The following MTCL1 variants were observed in gnomAD, a reference collection of about 807,000 sequenced individuals.
MTCL1 encodes the protein microtubule crosslinking factor 1.
A neutral mutation model predicts 141.4 loss-of-function variants in MTCL1; 79 were observed. The observed-to-expected ratio is 0.56, with a 90% confidence interval of 0.47 to 0.67. The LOEUF (loss-of-function observed/expected upper bound fraction) is 0.67. Ranked by LOEUF, MTCL1 falls within the 30% of genes least tolerant of loss-of-function variation. The pLI is 0.00. For missense variants in MTCL1, 2,177 were observed against 2,113.9 expected (o/e 1.03, Z -0.59); for synonymous variants, 914 against 875.8 (o/e 1.04, Z -0.77).
intron 10 of MTCL1, among the ~76,000 whole-genome samples, chr18:8,800,177 G>A (rs1442983344): frequency 6.6e-6 from 1 of 152,174 alleles, no homozygotes; most frequent in Admixed American, 6.5e-5. Context: ...GCCTCTCTGT[G>A]ACTGGCATGA....
chr18:8,821,398 T>G (rs897474986), intron 13 of MTCL1, 69 bp from the exon 13 acceptor site: 2 of 1,000,082 alleles, frequency 2.0e-6, no homozygotes, highest in Non-Finnish European at 1.6e-6. Flanking sequence ...AACAAATCAC[T>G]TAAGTACATT....
chr18:8,798,175 G>T, exon 10 of MTCL1: 2 of 1,599,336 alleles, frequency 1.3e-6, no homozygotes, highest in Admixed American at 1.7e-5. Context: ...CCCAGACCAC[G>T]ACAGTGACCG....
chr18:8,720,182 T>C (rs76917159), intron 3 of MTCL1, 156 bp from the exon 3 acceptor site: 22,112 of 665,724 alleles, frequency 0.033, 525 homozygotes, highest in Non-Finnish European at 0.043. Flanking sequence ...ATGAATCTCC[T>C]CCTCCTTTTA....
chr18:8,724,878 G>A (rs1041069702), intron 4 of MTCL1, among the ~76,000 whole-genome samples: 1 of 151,884 alleles, frequency 6.6e-6, no homozygotes, highest in Non-Finnish European at 1.5e-5. Flanking sequence ...CAGCTTGCTT[G>A]CTGGCATCCT....
Position 8,826,233 on chromosome 18 carries a change from G to T in MTCL1, c.4722+1G>T, listed in dbSNP as rs2077022268. 6.3e-7 allele frequency: 1 copy of T among 1,586,382 alleles called. No homozygotes were observed. Among genetic ancestry groups the T allele is most frequent in the Non-Finnish European group, 8.6e-7 (1 of 1,166,026 alleles). ...CACAGCCGAGCCAGGGCCCATGGAG[G>T]TAATGAATGCTGAGTGCCCCACACC... is the stretch of plus-strand genomic sequence containing the variant. On this transcript the variant is annotated splice_donor_variant, in intron 15 of 16. Coordinates refer to ENST00000359865, the Ensembl canonical transcript of MTCL1. LOFTEE classifies it high-confidence loss of function.
intron 4 of MTCL1, 38 bp downstream of exon 3, chr18:8,720,534 T>C: frequency 3.8e-6 from 6 of 1,592,618 alleles, no homozygotes; most frequent in Non-Finnish European, 5.1e-6. Flanking sequence ...CCCTTGGATT[T>C]AATAAGGAGG....
At chr18:8,730,042 G>A (rs570787613) in intron 4 of MTCL1, among the ~76,000 whole-genome samples, 34 of 152,186 alleles carry the variant, frequency 2.2e-4, no homozygotes, top group South Asian at 1.0e-3. Flanking sequence ...CTCTGGCACC[G>A]TCTGTTGAAA....
intron 4 of MTCL1, among the ~76,000 whole-genome samples, chr18:8,721,661 G>A (rs2096173739): frequency 6.6e-6 from 1 of 152,108 alleles, no homozygotes; most frequent in Admixed American, 6.5e-5. Flanking sequence ...CGTGAAAGTT[G>A]TCCCCATCTC....
At chr18:8,825,166 C>A in exon 15 of MTCL1, 1 of 1,579,588 alleles carries the variant, frequency 6.3e-7, no homozygotes, top group South Asian at 1.2e-5. Context: ...ACAAGCAGAG[C>A]CAGAGGGAGC....
intron 7 of MTCL1, chr18:8,786,821 T>C (rs912468694): frequency 1.8e-5 from 3 of 169,568 alleles, no homozygotes; most frequent in Admixed American, 5.4e-5. Context: ...ATGCAATGTC[T>C]TGCCATTGGG....
exon 9 of MTCL1, chr18:8,796,233 T>G (rs1175791876): frequency 1.2e-6 from 2 of 1,614,066 alleles, no homozygotes; most frequent in Admixed American, 1.7e-5. Flanking sequence ...CCATTCAAGA[T>G]GGAGGAGGAG....
At chr18:8,806,264 C>G (rs1372140203) in intron 10 of MTCL1, among the ~76,000 whole-genome samples, 1 of 152,132 alleles carries the variant, frequency 6.6e-6, no homozygotes, top group Non-Finnish European at 1.5e-5. Context: ...TTAAACCCAC[C>G]CACACACAGT....
At chr18:8,733,111 CAG>C (rs1491551158) in intron 4 of MTCL1, among the ~76,000 whole-genome samples, 26 of 152,282 alleles carry the variant, frequency 1.7e-4, no homozygotes, top group African/African-American at 5.8e-4. Flanking sequence ...TCTCTCCTGG[CAG>C]GGGGGAGGAA....
rs114624229 is a variant in MTCL1, at chr18:8,784,375, G to A, written c.1263G>A (p.Met421Ile). ...GCGGGGAGAGTGACTCGGAGGAAATGTTTGAGAAGACGTCGGGCTTCGGGA... is the reference window on the plus strand; with the variant it reads ...GCGGGGAGAGTGACTCGGAGGAAATATTTGAGAAGACGTCGGGCTTCGGGA... Residue 421 changes from methionine (M) to isoleucine (I), a missense_variant, in exon 6 of 17, where the codon ATG becomes ATA. By Grantham distance (10) the Met-to-Ile change is conservative (BLOSUM62 1). Transcript: ENST00000359865. The A allele has an allele frequency of 5.7e-4, 865 of 1,528,862 alleles. 5 individuals are homozygous for A. In the African/African-American group the frequency reaches 0.011, roughly 19 times the overall value. The allele number at this position is 1,528,862 out of a possible 1,614,324, so 94.7% of individuals were successfully genotyped here.
chr18:8,771,841 TAGAATTAGTCAC>T (rs2096486198), intron 4 of MTCL1, among the ~76,000 whole-genome samples: 3 of 151,914 alleles, frequency 2.0e-5, no homozygotes, highest in Non-Finnish European at 4.4e-5. Flanking sequence ...AAGGAGGGAG[TAGAATTAGTCAC>T]CAGGCAAAGC....
chr18:8,813,238 G>A lies in MTCL1; in HGVS notation c.2859+5G>A, dbSNP rs1185618120. On this transcript the variant is annotated splice_donor_5th_base_variant and intron_variant, in intron 12 of 16. Transcript: ENST00000359865. The stretch of plus-strand genomic sequence containing the variant: ...TTCTTGTGGAGGATAGAGCAGGTAA[G>A]GAGGCACCCCGGGGCCCTGGAGCAT... 1 of 1,610,232 alleles carries A rather than the reference G, an allele frequency of 6.2e-7. No individual in the cohort carries two copies. Among genetic ancestry groups the A allele is most frequent in the Admixed American group, 1.7e-5 (1 of 59,510 alleles).
rs569679174 is a variant in MTCL1, at chr18:8,814,980, T to C, written c.2859+1747T>C. Among the ~76,000 whole-genome samples, 4 of 152,348 alleles carry C rather than the reference T, an allele frequency of 2.6e-5. No homozygotes were observed. The East Asian group carries it at 7.7e-4, about 29-fold the overall frequency. On this transcript the variant is annotated intron_variant, in intron 12 of 16. Coordinates refer to ENST00000359865, the Ensembl canonical transcript of MTCL1. The stretch of plus-strand genomic sequence containing the variant: ...GTGACTTACAGGAAACAACAGGTGC[T>C]GGAGAGGATGTGGAGAAATAGGAAC...
At chr18:8,821,986 T>A (rs1434511202) in intron 14 of MTCL1, among the ~76,000 whole-genome samples, 9 of 152,264 alleles carry the variant, frequency 5.9e-5, no homozygotes, top group Admixed American at 3.3e-4. Context: ...CTCCCCAGTT[T>A]AATTTCCTCC....
At chr18:8,778,155 G>A (rs1334695360) in intron 5 of MTCL1, among the ~76,000 whole-genome samples, 2 of 152,196 alleles carry the variant, frequency 1.3e-5, no homozygotes, top group African/African-American at 4.8e-5. Context: ...ACAGAATTAA[G>A]TGTAGTTTGG....
Sources: allele counts gnomAD v4.1 joint callset (sites outside exome capture counted in the v4.1 genomes callset), GRCh38; gene constraint gnomAD v4.1.1; transcripts MANE v1.5; gene names NCBI Gene and HGNC (gene_info 2026-07-23, HGNC 2026-07-21).